MTUS2: variants seen among roughly 807,000 people sequenced by gnomAD.
The protein encoded by MTUS2 is microtubule associated scaffold protein 2.
MTUS2 carries 40 observed loss-of-function variants against 114.1 expected under a neutral mutation model. The observed-to-expected ratio is 0.35, with a 90% confidence interval of 0.27 to 0.46. The LOEUF is 0.46. Ranked by LOEUF, MTUS2 falls within the 20% of genes least tolerant of loss-of-function variation. MTUS2 has a pLI of 1.00. For synonymous variants in MTUS2, 688 were observed against 672.0 expected (o/e 1.02, Z -0.37); for missense variants, 1,679 against 1,705.4 (o/e 0.98, Z 0.27).
chr13:29,210,340 CTT>C (rs1895372642), intron 5 of MTUS2, among the ~76,000 whole-genome samples: 1 of 151,848 alleles, frequency 6.6e-6, no homozygotes, highest in South Asian at 2.1e-4. Flanking sequence ...TGTTCTGTAA[CTT>C]TGTTTTCTTT....
intron 5 of MTUS2, among the ~76,000 whole-genome samples, chr13:29,184,843 C>CA (rs538200795): frequency 6.9e-4 from 105 of 151,898 alleles, no homozygotes; most frequent in Admixed American, 1.7e-3. Flanking sequence ...AGTTTTTTAA[C>CA]AAAAAATTGA....
At chr13:29,304,495 T>C (rs1899349368) in intron 6 of MTUS2, among the ~76,000 whole-genome samples, 1 of 152,192 alleles carries the variant, frequency 6.6e-6, no homozygotes, top group African/African-American at 2.4e-5. Flanking sequence ...GTAATCCTAG[T>C]TTCTGACAAA....
At chr13:28,909,914 A>T (rs1880299407) in intron 2 of MTUS2, among the ~76,000 whole-genome samples, 1 of 152,216 alleles carries the variant, frequency 6.6e-6, no homozygotes, top group Non-Finnish European at 1.5e-5. Flanking sequence ...TTGTGGGTGC[A>T]TAGTAAGTAT....
chr13:29,407,616 A>G (rs1874875324), intron 8 of MTUS2, among the ~76,000 whole-genome samples: 1 of 151,672 alleles, frequency 6.6e-6, no homozygotes, highest in Non-Finnish European at 1.5e-5. Flanking sequence ...TAGCTGGGAT[A>G]ACAGGCACCC....
intron 2 of MTUS2, among the ~76,000 whole-genome samples, chr13:28,880,129 T>C (rs755930883): frequency 1.8e-4 from 28 of 152,202 alleles, no homozygotes; most frequent in Non-Finnish European, 3.8e-4. Flanking sequence ...CAAAGCATTT[T>C]GGTTAATAAT....
At chr13:28,973,956 G>A (rs1883971874) in intron 2 of MTUS2, among the ~76,000 whole-genome samples, 1 of 152,230 alleles carries the variant, frequency 6.6e-6, no homozygotes, top group Admixed American at 6.5e-5. Flanking sequence ...TCAGCAGCCT[G>A]TGTTTTTATG....
rs559993934 is a variant in MTUS2 at position 29,142,535 on chromosome 13, C to T, written c.2644+41565C>T. On this transcript the variant is annotated intron_variant, in intron 5 of 15. Coordinates refer to ENST00000612955, the MANE Select transcript of MTUS2 (RefSeq NM_001033602.4). Reference sequence around the variant, plus strand: ...CCTGGCCAACATGGTGAACCCCCGTCTCTACTAAAAAAATACAAAAATTAG... The same window carrying T: ...CCTGGCCAACATGGTGAACCCCCGTTTCTACTAAAAAAATACAAAAATTAG... Among the ~76,000 whole-genome samples the T allele has an allele frequency of 1.1e-3, 161 of 152,196 alleles. 4 individuals are homozygous for T. The South Asian group carries it at 0.031, about 30-fold the overall frequency.
At chr13:29,437,678 G>A (rs1278705474) in intron 8 of MTUS2, among the ~76,000 whole-genome samples, 2 of 152,174 alleles carry the variant, frequency 1.3e-5, no homozygotes. Context: ...AGGCACGGTG[G>A]CTCACACCTG....
In MTUS2 at chr13:29,439,984, A is replaced by C. The variant is rs753102816; in HGVS notation, c.3119A>C (p.Asn1040Thr). The change falls in exon 9 of 16, where the codon AAT becomes ACT. Residue 1040 changes from asparagine (N) to threonine (T), a missense_variant and splice_region_variant. Physicochemically the swap from Asn to Thr is moderately conservative, Grantham distance 65 (BLOSUM62 0). Transcript: ENST00000612955. ...AVATQHFFRK[N>T]ESALVKEKEL... ...CGGTATCCGTTTTTGTTTTTTCAGA[A>C]TGAAAGTGCCCTTGTGAAAGAAAAA... 1 of 1,580,584 alleles carries C rather than the reference A, an allele frequency of 6.3e-7. No homozygotes were observed. The highest frequency in any genetic ancestry group is 1.2e-5 in the South Asian group (1 of 86,208).
intron 8 of MTUS2, among the ~76,000 whole-genome samples, chr13:29,376,637 G>A (rs1257950296): frequency 6.6e-6 from 1 of 152,094 alleles, no homozygotes; most frequent in Non-Finnish European, 1.5e-5. Flanking sequence ...ATTTATTTTT[G>A]TAAGTAAAGT....
intron 5 of MTUS2, among the ~76,000 whole-genome samples, chr13:29,170,154 A>AAGACCCTTGGGAAGGAGGATAC (rs58817356): frequency 3.4e-4 from 51 of 152,036 alleles, no homozygotes; most frequent in African/African-American, 1.1e-3. Context: ...GTGTGAGAGG[A>AAGACCCTTGGGAAGGAGGATAC]TCAACTGATT....
Position 29,334,107 on chromosome 13 carries a change from C to T in MTUS2, c.2905+9396C>T, listed in dbSNP as rs141423257. 7.2e-3 allele frequency among the ~76,000 whole-genome samples: 1,097 copies of T among 152,146 alleles called. 11 individuals carry two copies. The highest frequency in any genetic ancestry group is 0.025 in the African/African-American group (1,050 of 41,496). ...TTTTGAGCCTATGTGTGTCTTTGCA[C>T]GTGAGATGGGTCTCCTGAATACAGG... is the stretch of plus-strand genomic sequence containing the variant. On this transcript the variant is annotated intron_variant, in intron 7 of 15. Transcript: ENST00000612955.
At chr13:29,099,336 C>T (rs956329353) in intron 4 of MTUS2, among the ~76,000 whole-genome samples, 5 of 152,194 alleles carry the variant, frequency 3.3e-5, no homozygotes, top group Non-Finnish European at 7.3e-5. Flanking sequence ...TGCACTTACT[C>T]GGTTCCTCCC....
At chr13:29,192,228 G>A (rs1894476728) in intron 5 of MTUS2, among the ~76,000 whole-genome samples, 1 of 152,130 alleles carries the variant, frequency 6.6e-6, no homozygotes, top group African/African-American at 2.4e-5. Flanking sequence ...GTGAGGACAT[G>A]TTTTGAAAAA....
intron 5 of MTUS2, among the ~76,000 whole-genome samples, chr13:29,135,959 T>C (rs935385377): frequency 6.6e-6 from 1 of 152,220 alleles, no homozygotes; most frequent in Non-Finnish European, 1.5e-5. Flanking sequence ...ACCAAAGTTA[T>C]GATAAAACTA....
chr13:28,894,345 AGAGAGT>A (rs201187817), intron 2 of MTUS2, among the ~76,000 whole-genome samples: 2,989 of 97,486 alleles, frequency 0.031, 82 homozygotes, highest in African/African-American at 0.056. Context: ...AGAGAGAGAG[AGAGAGT>A]GAGAGTGAGA....
chr13:29,275,979 C>T (rs1348637474), intron 5 of MTUS2, among the ~76,000 whole-genome samples: 1 of 147,302 alleles, frequency 6.8e-6, no homozygotes, highest in African/African-American at 2.4e-5. Flanking sequence ...TTCACATTTA[C>T]ACCTTTGTTT....
chr13:29,331,649 G>T (rs1344527627), intron 7 of MTUS2, among the ~76,000 whole-genome samples: 1 of 152,204 alleles, frequency 6.6e-6, no homozygotes, highest in Non-Finnish European at 1.5e-5. Context: ...TTTTCAAAGG[G>T]AGTGCTTCCA....
intron 1 of MTUS2, among the ~76,000 whole-genome samples, chr13:28,836,257 C>T (rs1183234631): frequency 6.6e-6 from 1 of 152,126 alleles, no homozygotes; most frequent in African/African-American, 2.4e-5. Flanking sequence ...CAGCACGTCT[C>T]AGTTTAGGCT....
Sources: gnomAD v4.1 joint callset for allele counts (sites outside exome capture counted in the v4.1 genomes callset) on GRCh38, gnomAD v4.1.1 for gene constraint, MANE v1.5 for transcripts, NCBI Gene and HGNC (gene_info 2026-07-23, HGNC 2026-07-21) for gene names.